Variants in PIP4K2A observed in about 807,000 individuals in gnomAD.
PIP4K2A encodes the protein phosphatidylinositol 5-phosphate 4-kinase type-2 alpha.
A neutral mutation model predicts 42.9 loss-of-function variants in PIP4K2A; 14 were observed. That is an observed-to-expected ratio of 0.33 (90% CI 0.22 to 0.51). PIP4K2A has a LOEUF of 0.51. PIP4K2A is among the 20% of genes least tolerant of loss of function. The pLI, the probability that PIP4K2A is intolerant of heterozygous loss-of-function variation, is 0.97. For missense variants in PIP4K2A, 434 were observed against 519.8 expected, an observed-to-expected ratio of 0.83 and a Z score of 1.61; for synonymous variants, 192 against 192.2, an observed-to-expected ratio of 1.00 and a Z score of 0.01.
At chr10:22,550,921 T>C (rs1836395740) in intron 6 of PIP4K2A, 149 bp from the exon 7 acceptor site, 1 of 618,242 alleles carries the variant, frequency 1.6e-6, no homozygotes, top group Admixed American at 2.9e-5. Context: ...AACAATAAAA[T>C]AGGAGAAGGC....
At chr10:22,621,202 C>G (rs1311437014) in intron 1 of PIP4K2A, among the ~76,000 whole-genome samples, 1 of 152,172 alleles carries the variant, frequency 6.6e-6, no homozygotes, top group Non-Finnish European at 1.5e-5. Flanking sequence ...CCAGCCTAAT[C>G]CAACATCCTT....
At chr10:22,605,189 CTTTCTTTTT>C (rs1254641923) in intron 3 of PIP4K2A, among the ~76,000 whole-genome samples, 4 of 150,970 alleles carry the variant, frequency 2.6e-5, no homozygotes, top group South Asian at 2.1e-4. Context: ...CACACTTTTT[CTTTCTTTTT>C]TTTCTTTTTT....
At chr10:22,562,405 C>T (rs1489715493) in intron 6 of PIP4K2A, among the ~76,000 whole-genome samples, 2 of 152,062 alleles carry the variant, frequency 1.3e-5, no homozygotes, top group African/African-American at 2.4e-5. Flanking sequence ...AAAAATTAGC[C>T]AAGCGTAGTG....
At chr10:22,693,018 T>C (rs1180676243) in intron 1 of PIP4K2A, among the ~76,000 whole-genome samples, 2 of 152,250 alleles carry the variant, frequency 1.3e-5, no homozygotes, top group African/African-American at 4.8e-5. Flanking sequence ...TTGGCTTTCA[T>C]GGGACTCAAT....
rs143770430 is a variant in PIP4K2A, at chr10:22,641,375, A to G, written c.145-31658T>C. On this transcript the variant is annotated intron_variant, in intron 1 of 9. Coordinates refer to ENST00000376573, the MANE Select transcript of PIP4K2A (RefSeq NM_005028.5). ...TCTACATTAACACGCTGACATTGAC[A>G]TAAGAGTGAATTTTTGTTCTGTTAT... is the stretch of plus-strand genomic sequence containing the variant. Among the ~76,000 whole-genome samples the G allele has an allele frequency of 7.2e-3, 1,097 of 152,316 alleles. 15 individuals carry two copies. The highest frequency in any genetic ancestry group is 0.024 in the African/African-American group (994 of 41,562).
intron 1 of PIP4K2A, among the ~76,000 whole-genome samples, chr10:22,663,227 T>C (rs944353413): frequency 1.3e-5 from 2 of 152,240 alleles, no homozygotes; most frequent in African/African-American, 2.4e-5. Context: ...AATGACTCTT[T>C]GTTGTGACTG....
intron 1 of PIP4K2A, among the ~76,000 whole-genome samples, chr10:22,641,685 G>C (rs1039187042): frequency 6.6e-5 from 10 of 151,976 alleles, no homozygotes; most frequent in Admixed American, 6.6e-4. Flanking sequence ...CTGACCTCAA[G>C]TGATCCTCCC....
chr10:22,591,447 C>A (rs146507096), intron 4 of PIP4K2A, among the ~76,000 whole-genome samples, 182 bp downstream of exon 4: 13 of 152,254 alleles, frequency 8.5e-5, no homozygotes, highest in African/African-American at 2.6e-4. Context: ...CACAAGCATG[C>A]CTAAAGGTTA....
chr10:22,664,236 C>T (rs1285592888), intron 1 of PIP4K2A, among the ~76,000 whole-genome samples: 1 of 126,360 alleles, frequency 7.9e-6, no homozygotes, highest in Non-Finnish European at 1.6e-5. Context: ...TATACACACA[C>T]ACACACACAC....
chr10:22,587,355 G>A (rs959443335), intron 4 of PIP4K2A, among the ~76,000 whole-genome samples: 1 of 152,208 alleles, frequency 6.6e-6, no homozygotes, highest in Non-Finnish European at 1.5e-5. Context: ...TGAACGATCT[G>A]CATTACTTGT....
chr10:22,588,250 A>G (rs1012246543), intron 4 of PIP4K2A, among the ~76,000 whole-genome samples: 2 of 152,242 alleles, frequency 1.3e-5, no homozygotes, highest in African/African-American at 4.8e-5. Context: ...GTATTTATAC[A>G]TGGCCTATAC....
At chr10:22,660,510 A>ATT (rs11407504) in intron 1 of PIP4K2A, among the ~76,000 whole-genome samples, 147 of 150,296 alleles carry the variant, frequency 9.8e-4, no homozygotes, top group African/African-American at 3.4e-3. Flanking sequence ...TGAATCCTGA[A>ATT]TTTTTTTTTT....
At chr10:22,664,134 TATATATAC>T (rs1369591052) in intron 1 of PIP4K2A, among the ~76,000 whole-genome samples, 26 of 45,898 alleles carry the variant, frequency 5.7e-4, no homozygotes, top group African/African-American at 5.2e-3. Context: ...TATATACATA[TATATATAC>T]ATATATATAC....
rs1166116928 is a variant in PIP4K2A at position 22,591,724 on chromosome 10, G to A, written c.397C>T (p.Arg133Cys). Residue 133 changes from arginine to cysteine, a missense_variant, in exon 4 of 10, where the codon CGT becomes TGT. Around this residue, in one of 2 missense-constraint regions of PIP4K2A, gnomAD observed 395 missense variants for 444.5 expected, o/e 0.89. Transcript: ENST00000376573. ...PNDSQARSGA[R>C]FHTSYDKRYI... is the part of the protein sequence containing the mutation. The stretch of plus-strand genomic sequence containing the variant: ...CTTTTGTCGTAGGAAGTGTGAAAAC[G>A]AGCTCCACTGCGGGCCTGGGAGTCG... 8 of 1,613,486 alleles carry A rather than the reference G, an allele frequency of 5.0e-6. No homozygotes were observed. Among genetic ancestry groups the A allele is most frequent in the African/African-American group, 1.3e-5 (1 of 74,904 alleles).
rs114189469 is a variant in PIP4K2A, at chr10:22,712,401, C to T, written c.144+1782G>A. Among the ~76,000 whole-genome samples the T allele has an allele frequency of 2.6e-3, 403 of 152,116 alleles. 2 individuals carry two copies. The highest frequency in any genetic ancestry group is 9.4e-3 in the African/African-American group (392 of 41,484). Reference sequence around the variant, plus strand: ...GACACTACCTTACTAAATTAAACCCCGAGACAGAAACACTCTCCTGACCAA... The same window carrying T: ...GACACTACCTTACTAAATTAAACCCTGAGACAGAAACACTCTCCTGACCAA... On this transcript the variant is annotated intron_variant, in intron 1 of 9. Coordinates refer to ENST00000376573, the MANE Select transcript of PIP4K2A (RefSeq NM_005028.5).
intron 6 of PIP4K2A, among the ~76,000 whole-genome samples, chr10:22,564,547 A>C (rs2130783256): frequency 6.6e-6 from 1 of 152,336 alleles, no homozygotes; most frequent in Admixed American, 6.5e-5. Context: ...AAATCTCAAC[A>C]AAATTTAGCC....
intron 1 of PIP4K2A, among the ~76,000 whole-genome samples, chr10:22,680,796 TG>T (rs1007187405): frequency 2.0e-5 from 3 of 152,174 alleles, no homozygotes; most frequent in African/African-American, 7.2e-5. Flanking sequence ...GTGAAGGACA[TG>T]CCATCCCAAA....
chr10:22,703,010 T>C (rs1269218409), intron 1 of PIP4K2A, among the ~76,000 whole-genome samples: 1 of 152,146 alleles, frequency 6.6e-6, no homozygotes, highest in Non-Finnish European at 1.5e-5. Context: ...AACAGTATGA[T>C]AGTGGAGGGG....
intron 1 of PIP4K2A, among the ~76,000 whole-genome samples, chr10:22,626,009 T>C (rs1008686815): frequency 5.9e-5 from 9 of 152,102 alleles, no homozygotes; most frequent in African/African-American, 2.2e-4. Context: ...TCCAGAGTCC[T>C]TTCTAGCTGG....
Sources: allele counts gnomAD v4.1 joint callset (sites outside exome capture counted in the v4.1 genomes callset), GRCh38; gene constraint gnomAD v4.1.1; regional missense constraint gnomAD v4.1.1; transcripts MANE v1.5; gene names NCBI Gene and HGNC (gene_info 2026-07-23, HGNC 2026-07-21).